The following NCMAP variants were observed in gnomAD, a reference collection of about 807,000 sequenced individuals.
The protein encoded by NCMAP is noncompact myelin-associated protein.
NCMAP carries 8 observed loss-of-function variants against 7.8 expected under a neutral mutation model. The ratio of observed to expected loss-of-function variants is 1.02; its 90% confidence interval spans 0.60 to 1.84. The LOEUF (loss-of-function observed/expected upper bound fraction) is 1.84. Among genes scored for constraint, NCMAP ranks in the 40% most tolerant of loss-of-function variants. The pLI is 0.00. For missense variants in NCMAP, 112 were observed against 131.4 expected (o/e 0.85, Z 0.72); for synonymous variants, 41 against 52.9 (o/e 0.78, Z 0.98).
intron 1 of NCMAP, among the ~76,000 whole-genome samples, chr1:24,574,078 C>T (rs7538161): frequency 0.64 from 95,095 of 149,038 alleles, 31,277 homozygotes; most frequent in African/African-American, 0.68. Context: ...ACTCCAGGAC[C>T]CACACAGCGG....
intron 2 of NCMAP, among the ~76,000 whole-genome samples, chr1:24,599,931 G>C (rs1194004468): frequency 6.8e-6 from 1 of 146,052 alleles, no homozygotes; most frequent in African/African-American, 2.5e-5. Context: ...CCATATTTAG[G>C]AATATTTCCT....
Position 24,576,377 on chromosome 1 carries a change from T to G in NCMAP, c.-7-19047T>G, listed in dbSNP as rs1285951824. On this transcript the variant is annotated intron_variant, in intron 1 of 3. Transcript: ENST00000374392. This position sits in a 1 kb window ranked among gnomAD's most constrained non-coding sequence, Gnocchi z 4.0. ...CTTTGGGCCTATTGTGACTGGCCACTGGCCAGCTCACACCGTGGGCAGCTT... is the reference window on the plus strand; with the variant it reads ...CTTTGGGCCTATTGTGACTGGCCACGGGCCAGCTCACACCGTGGGCAGCTT... 6.6e-6 allele frequency among the ~76,000 whole-genome samples: 1 copy of G among 152,184 alleles called. No homozygotes were observed. Among genetic ancestry groups the G allele is most frequent in the Admixed American group, 6.5e-5 (1 of 15,276 alleles).
intron 1 of NCMAP, among the ~76,000 whole-genome samples, chr1:24,585,556 G>C (rs528678411): frequency 2.0e-5 from 3 of 152,326 alleles, no homozygotes; most frequent in African/African-American, 7.2e-5. Context: ...GGTTGGAAAA[G>C]CCCTTAGAGA....
chr1:24,556,606 C>A (rs972659835), intron 1 of NCMAP, among the ~76,000 whole-genome samples: 18 of 152,284 alleles, frequency 1.2e-4, no homozygotes, highest in African/African-American at 3.6e-4. Flanking sequence ...TCCGGAAGAT[C>A]TGCGATTCAG....
intron 1 of NCMAP, among the ~76,000 whole-genome samples, chr1:24,588,341 G>T (rs139106781): frequency 2.0e-5 from 3 of 152,288 alleles, no homozygotes; most frequent in Admixed American, 2.0e-4. Flanking sequence ...ATCAAGTCCT[G>T]CTGAATCTCC....
At chr1:24,556,699 C>T (rs1469347154) in intron 1 of NCMAP, among the ~76,000 whole-genome samples, 1 of 152,050 alleles carries the variant, frequency 6.6e-6, no homozygotes, top group Non-Finnish European at 1.5e-5. Flanking sequence ...GGGGGTCGCT[C>T]ATCCAGCAGC....
At chr1:24,602,796 T>C (rs909273681) in intron 3 of NCMAP, among the ~76,000 whole-genome samples, 4 of 151,538 alleles carry the variant, frequency 2.6e-5, no homozygotes, top group African/African-American at 9.7e-5. Flanking sequence ...GGCTCACACC[T>C]GTAATCTCAG....
intron 1 of NCMAP, among the ~76,000 whole-genome samples, chr1:24,558,424 C>T (rs1322382884): frequency 1.3e-5 from 2 of 152,244 alleles, no homozygotes; most frequent in Non-Finnish European, 2.9e-5. Context: ...TCCGACAACA[C>T]TGACCATGAG....
At chr1:24,597,653 A>AAG (rs1461851449) in intron 2 of NCMAP, among the ~76,000 whole-genome samples, 9 of 138,378 alleles carry the variant, frequency 6.5e-5, no homozygotes, top group African/African-American at 1.7e-4. Context: ...GAAAGAAAGA[A>AAG]AGAAAGAAAG....
chr1:24,565,592 G>GTGTT, intron 1 of NCMAP, among the ~76,000 whole-genome samples: 1 of 149,218 alleles, frequency 6.7e-6, no homozygotes, highest in South Asian at 2.1e-4. Context: ...GTGTGTGTGT[G>GTGTT]TGTGTGTGTG....
chr1:24,600,106 G>C (rs962858108), intron 2 of NCMAP, among the ~76,000 whole-genome samples: 1 of 149,104 alleles, frequency 6.7e-6, no homozygotes, highest in African/African-American at 2.5e-5. Context: ...AAAGTACTGG[G>C]ATTACAGATG....
chr1:24,593,921 T>C (rs2148935256), intron 1 of NCMAP, among the ~76,000 whole-genome samples: 1 of 152,080 alleles, frequency 6.6e-6, no homozygotes, highest in East Asian at 1.9e-4. Flanking sequence ...TGAGACAGAG[T>C]GACTCTGTCG....
chr1:24,569,000 C>T (rs1651308402), intron 1 of NCMAP, among the ~76,000 whole-genome samples: 1 of 150,090 alleles, frequency 6.7e-6, no homozygotes, highest in Non-Finnish European at 1.5e-5. Flanking sequence ...GCTTTAATTC[C>T]TAATATATTT....
intron 1 of NCMAP, among the ~76,000 whole-genome samples, chr1:24,594,091 C>T (rs1652138925): frequency 6.6e-6 from 1 of 151,910 alleles, no homozygotes; most frequent in African/African-American, 2.4e-5. Flanking sequence ...GGGGTTTCAC[C>T]ATGTTGACCA....
chr1:24,580,818 C>A (rs558910897), intron 1 of NCMAP, among the ~76,000 whole-genome samples: 3 of 152,326 alleles, frequency 2.0e-5, no homozygotes, highest in South Asian at 4.1e-4. Flanking sequence ...TGTCACCACT[C>A]ACTCCTGAGT....
intron 1 of NCMAP, among the ~76,000 whole-genome samples, chr1:24,571,225 C>G (rs1030915548): frequency 2.0e-5 from 3 of 150,706 alleles, no homozygotes; most frequent in Admixed American, 1.3e-4. Context: ...GCCTGTAATC[C>G]TAGCACTTTG....
intron 1 of NCMAP, among the ~76,000 whole-genome samples, chr1:24,564,734 G>T (rs929769556): frequency 6.6e-6 from 1 of 152,000 alleles, no homozygotes; most frequent in African/African-American, 2.4e-5. Context: ...TCACACATAG[G>T]TATCAGGGGG....
intron 1 of NCMAP, among the ~76,000 whole-genome samples, chr1:24,577,544 G>T (rs1409931504): frequency 6.6e-6 from 1 of 151,416 alleles, no homozygotes; most frequent in South Asian, 2.1e-4. Flanking sequence ...CAAAGTGCAG[G>T]GATTACAGGC....
chr1:24,573,390 C>A (rs1291932313), intron 1 of NCMAP, among the ~76,000 whole-genome samples: 3 of 150,638 alleles, frequency 2.0e-5, no homozygotes, highest in Admixed American at 2.0e-4. Context: ...GAGTTCAAGA[C>A]CAACCTGGCC....
Sources: gnomAD v4.1 joint callset for allele counts (sites outside exome capture counted in the v4.1 genomes callset) on GRCh38, gnomAD v4.1.1 for gene constraint, Gnocchi (gnomAD v3.1) non-coding constraint, MANE v1.5 for transcripts, NCBI Gene and HGNC (gene_info 2026-07-23, HGNC 2026-07-21) for gene names.